The following MYO3A variants were observed in gnomAD, a reference collection of about 807,000 sequenced individuals.
The protein encoded by MYO3A is myosin-IIIa.
A neutral mutation model predicts 192.7 loss-of-function variants in MYO3A; 180 were observed. The observed-to-expected ratio is 0.93, with a 90% CI of 0.83 to 1.06. The LOEUF (loss-of-function observed/expected upper bound fraction) is 1.06, where lower values mean the gene tolerates loss of function less well. Among genes scored for constraint, MYO3A ranks in the 50% least tolerant of loss-of-function variants. MYO3A has a pLI of 0.00. For synonymous variants in MYO3A, 628 were observed against 645.3 expected (o/e 0.97, Z 0.41); for missense variants, 1,896 against 1,905.0 (o/e 1.00, Z 0.09).
chr10:25,998,965 T>C (rs1840618578), intron 6 of MYO3A, among the ~76,000 whole-genome samples: 1 of 152,218 alleles, frequency 6.6e-6, no homozygotes, highest in Non-Finnish European at 1.5e-5. Flanking sequence ...TGGCACGATC[T>C]CGGCTCACTG....
At chr10:26,192,589 G>C (rs570435370) in intron 31 of MYO3A, among the ~76,000 whole-genome samples, 1 of 151,206 alleles carries the variant, frequency 6.6e-6, no homozygotes, top group African/African-American at 2.4e-5. Context: ...TCAATTCCAC[G>C]TGACCAAACT....
At chr10:26,123,404 A>T (rs138507654) in intron 18 of MYO3A, among the ~76,000 whole-genome samples, 242 of 152,344 alleles carry the variant, frequency 1.6e-3, no homozygotes, top group African/African-American at 5.7e-3. Flanking sequence ...GCAATTTTCA[A>T]ACTAAGCAAC....
At chr10:26,195,053 C>A (rs963945787) in intron 32 of MYO3A, among the ~76,000 whole-genome samples, 6 of 152,272 alleles carry the variant, frequency 3.9e-5, no homozygotes, top group African/African-American at 1.2e-4. Context: ...ATTTTCATCA[C>A]CTTAAAAAGA....
chr10:26,210,100 C>T (rs979785535), intron 34 of MYO3A, among the ~76,000 whole-genome samples: 2 of 104,702 alleles, frequency 1.9e-5, no homozygotes, highest in African/African-American at 4.0e-5. Flanking sequence ...TGAGAAAGAG[C>T]GAAAAGAGAG....
chr10:25,938,062 A>C (rs1470955722), intron 2 of MYO3A, among the ~76,000 whole-genome samples: 1 of 152,190 alleles, frequency 6.6e-6, no homozygotes, highest in African/African-American at 2.4e-5. Flanking sequence ...TTACAGGGCA[A>C]ATTTAATTTT....
At chr10:26,165,916 CG>C in intron 26 of MYO3A, 150 bp from the exon 27 acceptor site, 1 of 760,138 alleles carries the variant, frequency 1.3e-6, no homozygotes, top group South Asian at 1.4e-5. Flanking sequence ...TGGTCTACTC[CG>C]AAGTTGTTCT....
chr10:25,971,455 G>T (rs894225865), intron 4 of MYO3A, among the ~76,000 whole-genome samples: 1 of 152,012 alleles, frequency 6.6e-6, no homozygotes, highest in African/African-American at 2.4e-5. Flanking sequence ...TTGTTTTCTT[G>T]TGTAGATCCA....
intron 10 of MYO3A, among the ~76,000 whole-genome samples, chr10:26,057,764 G>A (rs1165599308): frequency 2.0e-5 from 3 of 152,184 alleles, no homozygotes; most frequent in Non-Finnish European, 4.4e-5. Context: ...AGCAAAAATA[G>A]CACAATCCAA....
At position 26,143,504 on chromosome 10, in the gene MYO3A, G is replaced by T. The variant is rs981661709; in HGVS notation, c.2319G>T (p.Trp773Cys). 3.7e-6 allele frequency: 6 copies of T among 1,613,218 alleles called. No homozygotes were observed. The highest frequency in any genetic ancestry group is 1.3e-5 in the African/African-American group (1 of 74,848). Residue 773 changes from tryptophan to cysteine, a missense_variant, in exon 21 of 35, where the codon TGG becomes TGT. Coordinates refer to ENST00000642920, the MANE Select transcript of MYO3A (RefSeq NM_017433.5). Reference sequence around the variant, plus strand: ...GAGTTATTGAATATGAGGATAACTGGCCCCTCTTAGATATGTTTCTGCAAA... The same window carrying T: ...GAGTTATTGAATATGAGGATAACTGTCCCCTCTTAGATATGTTTCTGCAAA... ...DARVIEYEDN[W>C]PLLDMFLQKP... is the part of the protein sequence containing the mutation.
intron 10 of MYO3A, among the ~76,000 whole-genome samples, chr10:26,049,429 G>A (rs1843835981): frequency 6.6e-6 from 1 of 152,090 alleles, no homozygotes; most frequent in South Asian, 2.1e-4. Flanking sequence ...AGCTGGAAAG[G>A]ATAGGGGATC....
intron 7 of MYO3A, among the ~76,000 whole-genome samples, chr10:26,021,143 C>T (rs1042316616): frequency 5.9e-5 from 9 of 152,144 alleles, no homozygotes; most frequent in African/African-American, 2.4e-5. Flanking sequence ...TGCCCATTCC[C>T]TCAATAGACA....
At chr10:26,000,658 A>G (rs540151269) in intron 6 of MYO3A, among the ~76,000 whole-genome samples, 108 of 144,758 alleles carry the variant, frequency 7.5e-4, no homozygotes, top group Middle Eastern at 3.5e-3. Context: ...AACAGGGTGA[A>G]GCAGGGCAGT....
rs777638476 is a variant in MYO3A, at chr10:26,096,361, G to A, written c.1563-20G>A. Reference sequence around the variant, plus strand: ...AAATGTTCTTACTAACTACCTTACTGTAAATATCTTTTTTTCCAGTGGAGA... The same window carrying A: ...AAATGTTCTTACTAACTACCTTACTATAAATATCTTTTTTTCCAGTGGAGA... On this transcript the variant is annotated intron_variant, in intron 15 of 34. Transcript: ENST00000642920. The A allele has an allele frequency of 4.6e-6, 7 of 1,532,226 alleles. No individual in the cohort carries two copies. The South Asian group carries it at 7.9e-5, about 17-fold the overall frequency. The allele number at this position is 1,532,226 out of a possible 1,614,324, so 94.9% of individuals were successfully genotyped here. A position where few individuals can be genotyped will look rare whatever the true frequency, so the allele number is the denominator to read the frequency against.
chr10:25,981,618 C>CA (rs1209954571), intron 4 of MYO3A, among the ~76,000 whole-genome samples: 1 of 151,932 alleles, frequency 6.6e-6, no homozygotes, highest in African/African-American at 2.4e-5. Flanking sequence ...AAAAAATGAA[C>CA]AAAAAATTGG....
intron 17 of MYO3A, among the ~76,000 whole-genome samples, chr10:26,114,497 G>C (rs1298491294): frequency 6.6e-6 from 1 of 152,138 alleles, no homozygotes; most frequent in Non-Finnish European, 1.5e-5. Context: ...AAACAACTTG[G>C]CTTAGTGAGA....
At chr10:26,009,151 C>A (rs1218828802) in intron 6 of MYO3A, among the ~76,000 whole-genome samples, 1 of 126,172 alleles carries the variant, frequency 7.9e-6, no homozygotes, top group Non-Finnish European at 1.6e-5. Context: ...ACCACATATT[C>A]TCACTCATAG....
chr10:25,934,374 G>GT (rs927374228), intron 1 of MYO3A, 46 bp downstream of exon 1: 3 of 152,290 alleles, frequency 2.0e-5, no homozygotes, highest in African/African-American at 7.2e-5. Context: ...GCGGCGGTGG[G>GT]TAGCGGCGCC....
At chr10:26,041,476 T>C (rs1281392491) in intron 10 of MYO3A, among the ~76,000 whole-genome samples, 7 of 152,090 alleles carry the variant, frequency 4.6e-5, no homozygotes, top group African/African-American at 1.7e-4. Flanking sequence ...ATTTGTTTTC[T>C]AGTTGTTTTG....
chr10:26,178,809 T>C (rs990143529), intron 31 of MYO3A, among the ~76,000 whole-genome samples: 33 of 151,852 alleles, frequency 2.2e-4, no homozygotes, highest in African/African-American at 2.4e-4. Context: ...TTTATTTATT[T>C]ATTTATTTTT....
Sources: allele counts gnomAD v4.1 joint callset (sites outside exome capture counted in the v4.1 genomes callset), GRCh38; gene constraint gnomAD v4.1.1; transcripts MANE v1.5; gene names NCBI Gene and HGNC (gene_info 2026-07-23, HGNC 2026-07-21).